The following CEP128 variants were observed in gnomAD, a reference collection of about 807,000 sequenced individuals.
The protein encoded by CEP128 is centrosomal protein 128kDa.
A neutral mutation model predicts 156.7 loss-of-function variants in CEP128; 132 were observed. The observed-to-expected ratio is 0.84, with a 90% CI of 0.73 to 0.97. CEP128 has a LOEUF of 0.97. Ranked by LOEUF, CEP128 falls within the 50% of genes least tolerant of loss-of-function variation. The probability of loss-of-function intolerance (pLI) is 0.00; values close to 1 mark genes in which losing one functional copy is unlikely to be tolerated. For missense variants in CEP128, 1,252 were observed against 1,281.9 expected (o/e 0.98, Z 0.36); for synonymous variants, 469 against 448.9 (o/e 1.04, Z -0.57).
intron 19 of CEP128, among the ~76,000 whole-genome samples, chr14:80,599,555 A>G (rs1423185958): frequency 6.6e-6 from 1 of 152,010 alleles, no homozygotes; most frequent in African/African-American, 2.4e-5. Flanking sequence ...GATTACAGGC[A>G]TGAGCCACTG....
At chr14:80,881,769 A>G (rs777737742) in intron 8 of CEP128, among the ~76,000 whole-genome samples, 25 of 152,220 alleles carry the variant, frequency 1.6e-4, no homozygotes, top group Non-Finnish European at 2.8e-4. Context: ...GGCTTAACAC[A>G]TGCAAATTAA....
intron 23 of CEP128, among the ~76,000 whole-genome samples, chr14:80,513,056 TTACCAG>T (rs1243342736): frequency 2.6e-5 from 4 of 152,148 alleles, no homozygotes; most frequent in African/African-American, 9.6e-5. Context: ...GTACTTACCA[TTACCAG>T]TGAGTTTTGT....
intron 19 of CEP128, among the ~76,000 whole-genome samples, chr14:80,590,864 A>C (rs1296521870): frequency 2.6e-5 from 4 of 152,202 alleles, no homozygotes; most frequent in Non-Finnish European, 5.9e-5. Context: ...AACATTCTTA[A>C]AGAAAAGAAT....
At chr14:80,761,678 A>G in intron 16 of CEP128, 65 bp from the exon 17 acceptor site, 1 of 1,171,072 alleles carries the variant, frequency 8.5e-7, no homozygotes. Context: ...AATACTTGTA[A>G]TATCTGTTCA....
intron 23 of CEP128, among the ~76,000 whole-genome samples, chr14:80,515,457 G>GTC (rs1452116286): frequency 6.6e-6 from 1 of 152,200 alleles, no homozygotes; most frequent in Non-Finnish European, 1.5e-5. Context: ...TGCAGAAAGA[G>GTC]TCTCTCTCTG....
chr14:80,833,335 T>C (rs1024549506), intron 12 of CEP128, among the ~76,000 whole-genome samples: 2 of 151,600 alleles, frequency 1.3e-5, no homozygotes, highest in Non-Finnish European at 2.9e-5. Flanking sequence ...GAAACATATA[T>C]ATTTGATATG....
At chr14:80,566,340 G>T (rs1477669640) in intron 20 of CEP128, among the ~76,000 whole-genome samples, 1 of 151,902 alleles carries the variant, frequency 6.6e-6, no homozygotes, top group African/African-American at 2.4e-5. Context: ...TTAAAAATTT[G>T]TCAGTCATTT....
At chr14:80,504,222 A>G (rs1242440588) in intron 24 of CEP128, among the ~76,000 whole-genome samples, 1 of 152,212 alleles carries the variant, frequency 6.6e-6, no homozygotes, top group Non-Finnish European at 1.5e-5. Flanking sequence ...ACTACTATAT[A>G]GAGTGCCAAG....
At chr14:80,896,778 C>A (rs1245206648) in intron 7 of CEP128, among the ~76,000 whole-genome samples, 1 of 152,144 alleles carries the variant, frequency 6.6e-6, no homozygotes, top group Non-Finnish European at 1.5e-5. Flanking sequence ...CCTCCCACTT[C>A]TTACTGAATG....
At chr14:80,654,986 A>G (rs932654583) in intron 19 of CEP128, among the ~76,000 whole-genome samples, 9 of 152,150 alleles carry the variant, frequency 5.9e-5, no homozygotes, top group African/African-American at 2.2e-4. Context: ...TCCAAGTATC[A>G]TAACTCTCAG....
chr14:80,767,221 A>C (rs1305800657), intron 16 of CEP128, among the ~76,000 whole-genome samples: 1 of 152,138 alleles, frequency 6.6e-6, no homozygotes, highest in Non-Finnish European at 1.5e-5. Flanking sequence ...TCTGCGATGG[A>C]TACTATAGGA....
chr14:80,895,652 G>C (rs887717173), intron 8 of CEP128, 66 bp downstream of exon 8: 6 of 1,155,856 alleles, frequency 5.2e-6, no homozygotes, highest in Non-Finnish European at 6.1e-6. Flanking sequence ...ACTTCACTGT[G>C]ATTATGACCA....
intron 16 of CEP128, among the ~76,000 whole-genome samples, chr14:80,763,135 G>A (rs1900053713): frequency 6.6e-6 from 1 of 152,102 alleles, no homozygotes; most frequent in African/African-American, 2.4e-5. Flanking sequence ...TTAGAGCAAG[G>A]GGAGTTTGTT....
At chr14:80,665,973 A>C (rs1395612931) in intron 19 of CEP128, among the ~76,000 whole-genome samples, 2 of 152,220 alleles carry the variant, frequency 1.3e-5, no homozygotes, top group African/African-American at 2.4e-5. Context: ...AACACTATCC[A>C]AAAGAGAGAA....
At chr14:80,669,387 G>A (rs1208947544) in intron 19 of CEP128, among the ~76,000 whole-genome samples, 7 of 152,120 alleles carry the variant, frequency 4.6e-5, no homozygotes, top group East Asian at 1.9e-4. Flanking sequence ...CCTGCAGAAT[G>A]GGAGAAAATA....
intron 9 of CEP128, among the ~76,000 whole-genome samples, chr14:80,855,793 C>T (rs762039337): frequency 6.6e-6 from 1 of 152,148 alleles, no homozygotes; most frequent in African/African-American, 2.4e-5. Context: ...AGGTTCTCCC[C>T]TGCTGTGTGA....
intron 19 of CEP128, among the ~76,000 whole-genome samples, chr14:80,726,267 G>A (rs766080663): frequency 6.6e-5 from 10 of 152,210 alleles, no homozygotes; most frequent in South Asian, 2.1e-4. Flanking sequence ...GACTGATCCC[G>A]TAACCTGTAA....
chr14:80,951,584 A>G (rs1372319437), intron 2 of CEP128, among the ~76,000 whole-genome samples: 1 of 152,158 alleles, frequency 6.6e-6, no homozygotes. Context: ...ACATATGTTT[A>G]AAATAAAAGG....
chr14:80,860,174 A>G (rs1386547335), intron 9 of CEP128, among the ~76,000 whole-genome samples: 1 of 152,224 alleles, frequency 6.6e-6, no homozygotes, highest in African/African-American at 2.4e-5. Flanking sequence ...GGAACAGTTT[A>G]AGCCATTTAA....
Sources: allele counts gnomAD v4.1 joint callset (sites outside exome capture counted in the v4.1 genomes callset), GRCh38; gene constraint gnomAD v4.1.1; transcripts MANE v1.5; gene names NCBI Gene and HGNC (gene_info 2026-07-23, HGNC 2026-07-21).